The following B4GALT1 variants were observed in gnomAD, a reference collection of about 807,000 sequenced individuals.
The protein encoded by B4GALT1 is beta-1,4-galactosyltransferase 1, also known as N-acetyllactosamine synthase.
In B4GALT1, 16 loss-of-function variants were observed where a neutral mutation model predicts 34.9. The ratio of observed to expected loss-of-function variants is 0.46; its 90% CI spans 0.31 to 0.70. The LOEUF (loss-of-function observed/expected upper bound fraction) is 0.70, where lower values mean the gene tolerates loss of function less well. Ranked by LOEUF, B4GALT1 falls within the 30% of genes least tolerant of loss-of-function variation. The pLI is 0.05. For missense variants in B4GALT1, 445 were observed against 530.5 expected, an observed-to-expected ratio of 0.84 and a Z score of 1.58; for synonymous variants, 221 against 218.1, an observed-to-expected ratio of 1.01 and a Z score of -0.12.
chr9:33,129,505 T>C (rs1044890142), intron 2 of B4GALT1, among the ~76,000 whole-genome samples: 6 of 151,766 alleles, frequency 4.0e-5, no homozygotes, highest in Non-Finnish European at 5.9e-5. Flanking sequence ...GAGTAGGGAG[T>C]CCTGAGACTA....
chr9:33,117,124 C>A lies in B4GALT1; in HGVS notation c.837-1011G>T, dbSNP rs1839952167. ...CTGGAATCTGAGATTGTTTCAGAGCCTCTCTGTACCCACCCAGTCACAGCC... is the reference window on the plus strand; with the variant it reads ...CTGGAATCTGAGATTGTTTCAGAGCATCTCTGTACCCACCCAGTCACAGCC... On this transcript the variant is annotated intron_variant, in intron 3 of 5. Transcript: ENST00000379731. Among the ~76,000 whole-genome samples the A allele has an allele frequency of 2.6e-5, 4 of 152,074 alleles. No homozygotes were observed. The South Asian group carries it at 8.3e-4, about 32-fold the overall frequency.
At chr9:33,106,164 G>C (rs1238700537), downstream of B4GALT1, among the ~76,000 whole-genome samples, 1 of 151,948 alleles carries the variant, frequency 6.6e-6, no homozygotes. Flanking sequence ...GCATATCTTT[G>C]CCAACACTTA....
intron 1 of B4GALT1, among the ~76,000 whole-genome samples, chr9:33,157,116 G>A (rs1373496694): frequency 1.8e-4 from 8 of 44,506 alleles, no homozygotes; most frequent in African/African-American, 4.8e-4. Context: ...TCCAGCATAG[G>A]GAACTACACA....
At chr9:33,184,682 G>A in the B4GALT1 span, among the ~76,000 whole-genome samples, 36 of 152,128 alleles carry the variant, frequency 2.4e-4, no homozygotes, top group African/African-American at 9.7e-5. Flanking sequence ...AAGCTCTCGG[G>A]CAATACCAAT....
intron 2 of B4GALT1, among the ~76,000 whole-genome samples, chr9:33,124,041 T>C (rs1269898697): frequency 6.6e-6 from 1 of 152,156 alleles, no homozygotes; most frequent in East Asian, 1.9e-4. Context: ...GCAGGTGCTA[T>C]CATCTATCAG....
the B4GALT1 span, among the ~76,000 whole-genome samples, chr9:33,184,569 A>G: frequency 1.3e-5 from 2 of 152,088 alleles, no homozygotes; most frequent in Non-Finnish European, 2.9e-5. Context: ...AAAGACAAGA[A>G]CCTCCTCCAG....
upstream of B4GALT1, among the ~76,000 whole-genome samples, chr9:33,168,746 G>A (rs1840809014): frequency 6.6e-6 from 1 of 152,156 alleles, no homozygotes; most frequent in Admixed American, 6.5e-5. Context: ...TACTGCCTCG[G>A]AATGATTTAT....
intron 1 of B4GALT1, among the ~76,000 whole-genome samples, chr9:33,143,513 G>A (rs1840382761): frequency 6.6e-6 from 1 of 152,252 alleles, no homozygotes; most frequent in Admixed American, 6.5e-5. Context: ...TTCATGCTGT[G>A]CAGTGCAAGA....
chr9:33,130,614 G>C (rs1280922528), intron 2 of B4GALT1, among the ~76,000 whole-genome samples: 1 of 150,098 alleles, frequency 6.7e-6, no homozygotes, highest in Non-Finnish European at 1.5e-5. Context: ...CCAAATGGGA[G>C]TGGTTAACAG....
chr9:33,137,470 A>G (rs1400906667), intron 1 of B4GALT1, among the ~76,000 whole-genome samples: 1 of 152,148 alleles, frequency 6.6e-6, no homozygotes, highest in Admixed American at 6.5e-5. Context: ...TCAGTCCCTT[A>G]TAAGACTGCC....
In B4GALT1 at chr9:33,113,278, G is replaced by T; in HGVS notation, c.*176C>A. The T allele has an allele frequency of 1.1e-6, 1 of 924,226 alleles. No homozygotes were observed. The highest frequency in any genetic ancestry group is 2.6e-5 in the East Asian group (1 of 38,774). 57.3% of individuals were successfully genotyped at this position (924,226 alleles called of 1,614,324 possible). ...GCTAAGAATTCACATGCCGAGCCAA[G>T]TTGGGGGCAAAATATCCCACTCGTC... On this transcript the variant is annotated 3_prime_UTR_variant, in exon 6 of 6. Transcript: ENST00000379731.
chr9:33,124,862 C>A (rs1840068724), intron 2 of B4GALT1, among the ~76,000 whole-genome samples: 1 of 152,218 alleles, frequency 6.6e-6, no homozygotes, highest in Non-Finnish European at 1.5e-5. Flanking sequence ...CTGTGGCTTA[C>A]ATGATTAGAG....
chr9:33,132,127 G>GA (rs111389741), intron 2 of B4GALT1, among the ~76,000 whole-genome samples: 13 of 146,030 alleles, frequency 8.9e-5, no homozygotes, highest in Non-Finnish European at 1.4e-4. Flanking sequence ...GAAAAGCAAA[G>GA]AAAAAAAAAA....
At chr9:33,131,138 C>A (rs1325984711) in intron 2 of B4GALT1, among the ~76,000 whole-genome samples, 1 of 152,212 alleles carries the variant, frequency 6.6e-6, no homozygotes, top group East Asian at 1.9e-4. Flanking sequence ...GCCCTGGATA[C>A]CAGACTGTGA....
intron 2 of B4GALT1, among the ~76,000 whole-genome samples, chr9:33,134,043 G>A (rs949186812): frequency 6.6e-6 from 1 of 152,170 alleles, no homozygotes; most frequent in Non-Finnish European, 1.5e-5. Context: ...AGGATATTTG[G>A]GTCTGTTAAC....
chr9:33,164,401 A>G (rs567104634), intron 1 of B4GALT1, among the ~76,000 whole-genome samples: 1 of 152,108 alleles, frequency 6.6e-6, no homozygotes, highest in Non-Finnish European at 1.5e-5. Context: ...CTAACCACCC[A>G]AACCTACAGA....
At chr9:33,162,414 C>T (rs537328171) in intron 1 of B4GALT1, among the ~76,000 whole-genome samples, 4 of 152,286 alleles carry the variant, frequency 2.6e-5, no homozygotes, top group African/African-American at 9.6e-5. Context: ...ACTTTGTTTT[C>T]TTCTTTGTAG....
At chr9:33,120,718 C>T in intron 2 of B4GALT1, 112 bp from the exon 3 acceptor site, 3 of 1,082,838 alleles carry the variant, frequency 2.8e-6, no homozygotes, top group Non-Finnish European at 4.1e-6. Context: ...ACTCTTGGGC[C>T]TCACTTTTCT....
chr9:33,138,127 C>T (rs536952064), intron 1 of B4GALT1, among the ~76,000 whole-genome samples: 29 of 152,362 alleles, frequency 1.9e-4, no homozygotes, highest in African/African-American at 6.7e-4. Flanking sequence ...TGTGGCCTGG[C>T]TCGCTTCCGC....
Sources: gnomAD v4.1 joint callset for allele counts (sites outside exome capture counted in the v4.1 genomes callset) on GRCh38, gnomAD v4.1.1 for gene constraint, MANE v1.5 for transcripts, NCBI Gene and HGNC (gene_info 2026-07-23, HGNC 2026-07-21) for gene names.